Variants in SHC2 observed in about 807,000 individuals in gnomAD.
The protein encoded by SHC2 is SHC adaptor protein 2, also known as SHC-transforming protein 2.
SHC2 carries 62 observed loss-of-function variants against 60.6 expected under a neutral mutation model. The ratio of observed to expected loss-of-function variants is 1.02; its 90% confidence interval spans 0.83 to 1.26. The LOEUF (loss-of-function observed/expected upper bound fraction) is 1.26, where lower values mean the gene tolerates loss of function less well. Ranked by LOEUF, SHC2 falls within the 50% of genes most tolerant of loss-of-function variation. The pLI is 0.00. For synonymous variants in SHC2, 375 were observed against 372.4 expected, an observed-to-expected ratio of 1.01 and a Z score of -0.08; for missense variants, 873 against 822.2, an observed-to-expected ratio of 1.06 and a Z score of -0.76.
chr19:460,847 CGCCGCCGGGCCGCGGCCCAGGAA>C lies in SHC2; in HGVS notation c.127_149del (p.Phe43GlyfsTer123). ...CCCCCGAGGCCCCAGCCGCCCGCGC[CGCCGCCGGGCCGCGGCCCAGGAA>C]GCCGCCCGGGGCCGCGAACTTCCAC... is the stretch of plus-strand genomic sequence containing the variant. On this transcript the variant is annotated frameshift_variant, in exon 1 of 13. Coordinates refer to ENST00000264554, the MANE Select transcript of SHC2 (RefSeq NM_012435.3). LOFTEE classifies it high-confidence loss of function. 1.0e-6 allele frequency: 1 copy of C among 984,286 alleles called. No individual in the cohort carries two copies. The highest frequency in any genetic ancestry group is 1.2e-6 in the Non-Finnish European group (1 of 831,114). The allele number at this position is 984,286 out of a possible 1,614,324, so 61.0% of individuals were successfully genotyped here.
intron 9 of SHC2, among the ~76,000 whole-genome samples, chr19:428,077 G>T (rs35808185): frequency 0.24 from 35,870 of 152,028 alleles, 4,886 homozygotes; most frequent in East Asian, 0.57. Flanking sequence ...ATTTAAAAAT[G>T]TGCTGGGTGC....
In SHC2 at chr19:418,951, C is replaced by T; in HGVS notation, c.1726G>A (p.Gly576Ser). ...VAAESELHLR[G>S]VVSREP Reference sequence around the variant, plus strand: ...GCTCAGGGCTCCCGTGAGACCACGCCACGCAGGTGCAGCTCACTCTCGGCG... The same window carrying T: ...GCTCAGGGCTCCCGTGAGACCACGCTACGCAGGTGCAGCTCACTCTCGGCG... The change falls in exon 12 of 13, where the codon GGC becomes AGC. Residue 576 changes from glycine (G) to serine (S), a missense_variant. Transcript: ENST00000264554. 2 of 1,587,858 alleles carry T rather than the reference C, an allele frequency of 1.3e-6. No homozygotes were observed. Among genetic ancestry groups the T allele is most frequent in the Admixed American group, 1.8e-5 (1 of 56,482 alleles).
intron 12 of SHC2, 122 bp downstream of exon 12, chr19:418,801 C>G: frequency 9.2e-7 from 1 of 1,082,220 alleles, no homozygotes; most frequent in Non-Finnish European, 1.3e-6. Context: ...GGATGCTGAA[C>G]ACCCCTGAGT....
At chr19:427,910 G>C (rs1314206559) in intron 9 of SHC2, among the ~76,000 whole-genome samples, 22 of 151,438 alleles carry the variant, frequency 1.5e-4, no homozygotes, top group Admixed American at 1.4e-3. Flanking sequence ...GCAGGGAAGG[G>C]GGAACTGCAC....
Position 438,700 on chromosome 19 carries a change from C to G in SHC2, c.720+18G>C. 1 of 1,547,900 alleles carries G rather than the reference C, an allele frequency of 6.5e-7. No homozygotes were observed. The highest frequency in any genetic ancestry group is 8.7e-7 in the Non-Finnish European group (1 of 1,146,638). On this transcript the variant is annotated intron_variant, in intron 4 of 12. Coordinates refer to ENST00000264554, the MANE Select transcript of SHC2 (RefSeq NM_012435.3). This position sits in a 1 kb window ranked among gnomAD's most constrained non-coding sequence, Gnocchi z 5.0. ...CCTCTGGGGGTCTGGGGACGCCAGGCGAAGAGGGCAGACCCACCTGGCGCG... is the reference window on the plus strand; with the variant it reads ...CCTCTGGGGGTCTGGGGACGCCAGGGGAAGAGGGCAGACCCACCTGGCGCG...
At chr19:430,821 C>G (rs565787577) in intron 8 of SHC2, 74 bp from the exon 9 acceptor site, 2 of 1,410,422 alleles carry the variant, frequency 1.4e-6, no homozygotes, top group Admixed American at 1.9e-5. Flanking sequence ...CCAGTCTCCC[C>G]GCCCGGCCCT....
chr19:435,802 A>C (rs1974701001), intron 7 of SHC2: 1 of 227,940 alleles, frequency 4.4e-6, no homozygotes. Flanking sequence ...CAGCACACAG[A>C]CACGTCCCCC....
Position 441,006 on chromosome 19 carries a change from C to T in SHC2, c.469-74G>A. 2 of 1,551,830 alleles carry T rather than the reference C, an allele frequency of 1.3e-6. No homozygotes were observed. The highest frequency in any genetic ancestry group is 1.8e-6 in the Non-Finnish European group (2 of 1,126,918). On this transcript the variant is annotated intron_variant, in intron 1 of 12. Coordinates refer to ENST00000264554, the MANE Select transcript of SHC2 (RefSeq NM_012435.3). The surrounding 1 kb of genome is among the most constrained non-coding windows in gnomAD (Gnocchi z 4.9). ...AGCCACGTCCCTTTTCCCAGCAGCC[C>T]TTCGCCGCCTCCACCACCCCTGGGG... is the stretch of plus-strand genomic sequence containing the variant.
At chr19:429,869 G>A (rs1231043018) in intron 9 of SHC2, among the ~76,000 whole-genome samples, 1 of 150,610 alleles carries the variant, frequency 6.6e-6, no homozygotes, top group African/African-American at 2.5e-5. Flanking sequence ...ACACCGTGTG[G>A]ATGACGCAGT....
intron 1 of SHC2, among the ~76,000 whole-genome samples, chr19:454,515 G>A (rs576835367): frequency 2.6e-5 from 4 of 152,310 alleles, no homozygotes; most frequent in South Asian, 2.1e-4. Flanking sequence ...GGCCGGACGC[G>A]ACGGCGCACA....
chr19:434,775 C>T lies in SHC2; in HGVS notation c.1044G>A (p.Pro348=), dbSNP rs767230347. The T allele has an allele frequency of 1.6e-5, 25 of 1,612,680 alleles. No individual in the cohort carries two copies. The highest frequency in any genetic ancestry group is 9.9e-5 in the South Asian group (9 of 91,080). Residue 348 remains proline, a synonymous_variant, in exon 8 of 13, where the codon CCG becomes CCA. Transcript: ENST00000264554. ...YYNSIPGKEP[P]LGGLVDSRLA... is the part of the protein sequence containing the mutation. ...GCCTGGAGTCCACTAGCCCGCCCAG[C>T]GGCGGCTCCTTCCCCGGGATGCTGT...
intron 9 of SHC2, among the ~76,000 whole-genome samples, chr19:427,858 G>C (rs1239235902): frequency 1.4e-5 from 2 of 139,736 alleles, no homozygotes; most frequent in African/African-American, 5.7e-5. Flanking sequence ...ACAGGGAAGG[G>C]GGAACTGCAC....
At chr19:450,779 A>G (rs1165319057) in intron 1 of SHC2, among the ~76,000 whole-genome samples, 1 of 150,672 alleles carries the variant, frequency 6.6e-6, no homozygotes, top group Admixed American at 6.6e-5. Context: ...TCATATTGTC[A>G]TATTTCAGCA....
chr19:421,870 A>C (rs1257221894), intron 11 of SHC2, among the ~76,000 whole-genome samples: 1 of 152,228 alleles, frequency 6.6e-6, no homozygotes, highest in Non-Finnish European at 1.5e-5. Context: ...CGACTGTGCC[A>C]CTGCAGTCCA....
intron 1 of SHC2, among the ~76,000 whole-genome samples, chr19:444,954 G>A (rs1373615709): frequency 6.6e-6 from 1 of 152,202 alleles, no homozygotes; most frequent in African/African-American, 2.4e-5. Flanking sequence ...TGGGCCACAC[G>A]GCCCGCAGAG....
intron 1 of SHC2, among the ~76,000 whole-genome samples, chr19:447,462 C>A (rs1207615655): frequency 6.6e-6 from 1 of 152,188 alleles, no homozygotes; most frequent in Non-Finnish European, 1.5e-5. Flanking sequence ...TTAGGGTATG[C>A]GAATTATATC....
Position 422,071 on chromosome 19 carries a change from GCCCCGAGACCC to G in SHC2, c.1620+64_1620+74del, listed in dbSNP as rs1974284318. 3.3e-6 allele frequency: 1 copy of G among 307,324 alleles called. No homozygotes were observed. Among genetic ancestry groups the G allele is most frequent in the Non-Finnish European group, 3.8e-6 (1 of 261,566 alleles). The allele number at this position is 307,324 out of a possible 1,614,324, so 19.0% of individuals were successfully genotyped here. A position where few individuals can be genotyped will look rare whatever the true frequency, so the allele number is the denominator to read the frequency against. ...CCTGTGCCCAGCGAAGCCCCTGGAT[GCCCCGAGACCC>G]TCCCACCTGTGCCCAGCGAAGCCCC... On this transcript the variant is annotated intron_variant, in intron 11 of 12. Transcript: ENST00000264554. The surrounding 1 kb of genome is among the most constrained non-coding windows in gnomAD (Gnocchi z 5.0).
At chr19:419,118 A>G (rs1171474185) in intron 11 of SHC2, 62 bp from the exon 12 acceptor site, 3 of 1,501,648 alleles carry the variant, frequency 2.0e-6, no homozygotes, top group Non-Finnish European at 2.7e-6. Context: ...GGAGTAGGAT[A>G]TTGGCGTTCT....
intron 8 of SHC2, among the ~76,000 whole-genome samples, chr19:434,182 GC>G (rs1291029568): frequency 1.5e-5 from 2 of 137,926 alleles, no homozygotes; most frequent in African/African-American, 5.8e-5. Flanking sequence ...GATAGAGGAG[GC>G]CGGGCAGATA....
Sources: allele counts gnomAD v4.1 joint callset (sites outside exome capture counted in the v4.1 genomes callset), GRCh38; gene constraint gnomAD v4.1.1; non-coding constraint Gnocchi (gnomAD v3.1); transcripts MANE v1.5; gene names NCBI Gene and HGNC (gene_info 2026-07-23, HGNC 2026-07-21).